Variants in CLIC4 observed in about 807,000 individuals in gnomAD.
CLIC4 encodes CLIC family member 4.
In CLIC4, 13 loss-of-function variants were observed where a neutral mutation model predicts 24.6. The observed-to-expected ratio is 0.53, with a 90% confidence interval of 0.34 to 0.84. The LOEUF is 0.84. Among genes scored for constraint, CLIC4 ranks in the 40% least tolerant of loss-of-function variants. The pLI, the probability that CLIC4 is intolerant of heterozygous loss-of-function variation, is 0.01. For missense variants in CLIC4, 227 were observed against 301.7 expected, an observed-to-expected ratio of 0.75 and a Z score of 1.83; for synonymous variants, 104 against 111.3, an observed-to-expected ratio of 0.93 and a Z score of 0.41.
rs188224354 is a variant in CLIC4 at position 24,806,803 on chromosome 1, C to T, written c.183-7291C>T. ...TTTGCATACTTTTAGTTCACTTTCACGTGCCTTATTTGATTTAATCTTTAC... is the reference window on the plus strand; with the variant it reads ...TTTGCATACTTTTAGTTCACTTTCATGTGCCTTATTTGATTTAATCTTTAC... On this transcript the variant is annotated intron_variant, in intron 2 of 5. Transcript: ENST00000374379. 2.6e-3 allele frequency among the ~76,000 whole-genome samples: 400 copies of T among 152,236 alleles called. 7 individuals carry two copies. In the South Asian group the frequency reaches 0.042, roughly 16 times the overall value.
At chr1:24,787,216 C>T (rs957785099) in intron 1 of CLIC4, among the ~76,000 whole-genome samples, 5 of 151,840 alleles carry the variant, frequency 3.3e-5, no homozygotes, top group African/African-American at 1.2e-4. Flanking sequence ...TAATCCAGGC[C>T]GGGTATAGTG....
chr1:24,763,230 T>C (rs1402197348), intron 1 of CLIC4, among the ~76,000 whole-genome samples: 1 of 151,974 alleles, frequency 6.6e-6, no homozygotes, highest in Non-Finnish European at 1.5e-5. Context: ...CAAAAACCAT[T>C]TTGTTGGTCT....
At chr1:24,755,436 CAAAAAAAAAA>C (rs796480286) in intron 1 of CLIC4, among the ~76,000 whole-genome samples, 1 of 85,784 alleles carries the variant, frequency 1.2e-5, no homozygotes, top group South Asian at 4.0e-4. Flanking sequence ...GACTCTGTCT[CAAAAAAAAAA>C]AAAAAAAAAT....
At chr1:24,819,014 G>T (rs1467873642) in intron 3 of CLIC4, among the ~76,000 whole-genome samples, 1 of 152,044 alleles carries the variant, frequency 6.6e-6, no homozygotes. Flanking sequence ...TGATGTGCAT[G>T]GTTGGGATGG....
chr1:24,815,530 A>G (rs1454600938), intron 3 of CLIC4, among the ~76,000 whole-genome samples: 1 of 152,108 alleles, frequency 6.6e-6, no homozygotes, highest in African/African-American at 2.4e-5. Context: ...AAAAAATGCT[A>G]ATGGTTATCT....
intron 1 of CLIC4, among the ~76,000 whole-genome samples, chr1:24,754,199 T>C (rs1053604130): frequency 6.6e-6 from 1 of 152,166 alleles, no homozygotes; most frequent in Admixed American, 6.5e-5. Context: ...GAAAGGAGCC[T>C]AGAATGGGGA....
chr1:24,785,864 AAAAAAAAAAAAAG>A (rs1325860380), intron 1 of CLIC4, among the ~76,000 whole-genome samples: 1 of 148,550 alleles, frequency 6.7e-6, no homozygotes, highest in Non-Finnish European at 1.5e-5. Flanking sequence ...CAAAAAAAAA[AAAAAAAAAAAAAG>A]AAAAGAAAAA....
Position 24,827,084 on chromosome 1 carries a change from A to G in CLIC4, c.383A>G (p.Tyr128Cys). 2 of 1,609,888 alleles carry G rather than the reference A, an allele frequency of 1.2e-6. No individual in the cohort carries two copies. Among genetic ancestry groups the G allele is most frequent in the Non-Finnish European group, 1.7e-6 (2 of 1,178,478 alleles). Residue 128 changes from tyrosine to cysteine, a missense_variant, in exon 4 of 6, where the codon TAT becomes TGT. Coordinates refer to ENST00000374379, the MANE Select transcript of CLIC4 (RefSeq NM_013943.3). ...GACATCTTTGCCAAATTCTCTGCATATATCAAGAATTCAAGGCCAGAGGCT... is the reference window on the plus strand; with the variant it reads ...GACATCTTTGCCAAATTCTCTGCATGTATCAAGAATTCAAGGCCAGAGGCT... The part of the protein sequence containing the change: ...GMDIFAKFSA[Y>C]IKNSRPEANE...
chr1:24,799,026 C>T (rs1239385959), intron 2 of CLIC4, among the ~76,000 whole-genome samples: 1 of 152,246 alleles, frequency 6.6e-6, no homozygotes, highest in Admixed American at 6.5e-5. Flanking sequence ...CTGCCTTGGC[C>T]TCCCAAAGTG....
chr1:24,813,275 C>T (rs921934252), intron 2 of CLIC4, among the ~76,000 whole-genome samples: 4 of 151,936 alleles, frequency 2.6e-5, no homozygotes, highest in Admixed American at 6.6e-5. Flanking sequence ...AACTTCTGAC[C>T]TCGTGATCCT....
At chr1:24,756,394 A>G (rs1638850586) in intron 1 of CLIC4, among the ~76,000 whole-genome samples, 1 of 152,202 alleles carries the variant, frequency 6.6e-6, no homozygotes, top group African/African-American at 2.4e-5. Flanking sequence ...GCATCCTTTC[A>G]TAGGTTTCTT....
At chr1:24,798,639 C>G (rs1385845790) in intron 2 of CLIC4, among the ~76,000 whole-genome samples, 3 of 152,194 alleles carry the variant, frequency 2.0e-5, no homozygotes, top group African/African-American at 2.4e-5. Flanking sequence ...CTTCCTCTCC[C>G]TCTCCCCACG....
At chr1:24,804,684 A>T (rs1156363622) in intron 2 of CLIC4, among the ~76,000 whole-genome samples, 22 of 152,084 alleles carry the variant, frequency 1.4e-4, no homozygotes, top group Non-Finnish European at 1.5e-5. Flanking sequence ...GATTTCAAAG[A>T]TGATACATCC....
intron 4 of CLIC4, among the ~76,000 whole-genome samples, chr1:24,837,937 C>T (rs982648684): frequency 5.3e-5 from 8 of 152,134 alleles, no homozygotes; most frequent in African/African-American, 9.7e-5. Context: ...TCCATGGTTT[C>T]GGTGTTCATT....
intron 2 of CLIC4, among the ~76,000 whole-genome samples, chr1:24,808,304 AATCC>A (rs1331532205): frequency 6.6e-6 from 1 of 152,178 alleles, no homozygotes; most frequent in African/African-American, 2.4e-5. Context: ...TGGATACCAA[AATCC>A]ACAGATGCTC....
chr1:24,806,394 T>TA (rs530224303), intron 2 of CLIC4, among the ~76,000 whole-genome samples: 191 of 152,356 alleles, frequency 1.3e-3, no homozygotes, highest in African/African-American at 3.7e-3. Flanking sequence ...AGTCTACTAA[T>TA]ACGTTTGAAG....
chr1:24,788,337 T>C (rs1055721358), intron 1 of CLIC4, among the ~76,000 whole-genome samples: 1 of 152,174 alleles, frequency 6.6e-6, no homozygotes, highest in Non-Finnish European at 1.5e-5. Flanking sequence ...AAAGAAACCA[T>C]GTACCCATTA....
intron 1 of CLIC4, among the ~76,000 whole-genome samples, 180 bp from the exon 2 acceptor site, chr1:24,797,562 G>GAAAAAAAAA (rs71032862): frequency 1.6e-5 from 2 of 124,982 alleles, no homozygotes; most frequent in Non-Finnish European, 3.2e-5. Flanking sequence ...CTCAAAAAAA[G>GAAAAAAAAA]AAAAAAAAAA....
At chr1:24,781,098 A>T (rs1639198465) in intron 1 of CLIC4, among the ~76,000 whole-genome samples, 1 of 150,552 alleles carries the variant, frequency 6.6e-6, no homozygotes, top group South Asian at 2.1e-4. Context: ...AAAAAAAAAA[A>T]AAAAAAAGAA....
Sources: gnomAD v4.1 joint callset for allele counts (sites outside exome capture counted in the v4.1 genomes callset) on GRCh38, gnomAD v4.1.1 for gene constraint, MANE v1.5 for transcripts, NCBI Gene and HGNC (gene_info 2026-07-23, HGNC 2026-07-21) for gene names.